SLC1A2: variants seen among roughly 807,000 people sequenced by gnomAD.
The protein encoded by SLC1A2 is solute carrier family 1 member 2.
SLC1A2 carries 15 observed loss-of-function variants against 48.8 expected under a neutral mutation model. The observed-to-expected ratio is 0.31, with a 90% CI of 0.21 to 0.47. The LOEUF (loss-of-function observed/expected upper bound fraction) is 0.47. Ranked by LOEUF, SLC1A2 falls within the 20% of genes least tolerant of loss-of-function variation. SLC1A2 has a pLI of 0.99. For synonymous variants in SLC1A2, 279 were observed against 272.6 expected (o/e 1.02, Z -0.23); for missense variants, 502 against 730.5 (o/e 0.69, Z 3.61).
intron 1 of SLC1A2, among the ~76,000 whole-genome samples, chr11:35,353,756 A>G (rs1853351649): frequency 6.6e-6 from 1 of 152,182 alleles, no homozygotes; most frequent in African/African-American, 2.4e-5. Context: ...GTTGATATTT[A>G]ATTAATTGCA....
chr11:35,271,986 A>G (rs890972483), intron 9 of SLC1A2, among the ~76,000 whole-genome samples: 16 of 152,238 alleles, frequency 1.1e-4, no homozygotes, highest in African/African-American at 3.1e-4. Flanking sequence ...GACATTATGT[A>G]TAATCAGCTT....
Position 35,348,003 on chromosome 11 carries a change from C to T in SLC1A2, c.18-30487G>A, listed in dbSNP as rs1037601382. On this transcript the variant is annotated intron_variant, in intron 1 of 10. Coordinates refer to ENST00000278379, the MANE Select transcript of SLC1A2 (RefSeq NM_004171.4). The stretch of plus-strand genomic sequence containing the variant: ...CTCTGAAGCTAGCTTCCCATTTTGG[C>T]CTTGCCTGAGGCCAAGCTCCATGTG... Among the ~76,000 whole-genome samples the T allele has an allele frequency of 1.1e-4, 16 of 152,210 alleles. 1 individual carries two copies. Among genetic ancestry groups the T allele is most frequent in the Non-Finnish European group, 1.5e-4 (10 of 68,030 alleles).
chr11:35,292,628 A>G (rs933268840), intron 6 of SLC1A2, 108 bp from the exon 7 acceptor site: 2 of 632,494 alleles, frequency 3.2e-6, no homozygotes, highest in South Asian at 2.2e-5. Flanking sequence ...CTTCTGTACA[A>G]AAAAAGACTT....
At chr11:35,327,507 G>A (rs1004386096) in intron 1 of SLC1A2, among the ~76,000 whole-genome samples, 2 of 152,142 alleles carry the variant, frequency 1.3e-5, no homozygotes, top group Admixed American at 1.3e-4. Flanking sequence ...GAAGTTTGTG[G>A]CCTTCATCTT....
intron 1 of SLC1A2, among the ~76,000 whole-genome samples, chr11:35,377,465 C>G (rs1854279288): frequency 6.6e-6 from 1 of 152,144 alleles, no homozygotes; most frequent in Non-Finnish European, 1.5e-5. Flanking sequence ...TCCATCTGTT[C>G]GTTACCAAAG....
In SLC1A2 at chr11:35,376,434, G is replaced by A. The variant is rs374758806; in HGVS notation, c.17+42516C>T. Among the ~76,000 whole-genome samples the A allele has an allele frequency of 9.8e-4, 149 of 152,236 alleles. 1 individual carries two copies. The South Asian group carries it at 0.028, about 29-fold the overall frequency. ...TCAATGCTCTATGGTTATGTAATAC[G>A]TACGATACCATTAAAGGAAGCTGAG... On this transcript the variant is annotated intron_variant, in intron 1 of 10. Coordinates refer to ENST00000278379, the MANE Select transcript of SLC1A2 (RefSeq NM_004171.4).
intron 2 of SLC1A2, 107 bp from the exon 3 acceptor site, chr11:35,315,282 T>C: frequency 4.0e-6 from 3 of 743,010 alleles, no homozygotes; most frequent in Non-Finnish European, 6.7e-6. Context: ...TTCTGCAGTA[T>C]TAAATGATGA....
intron 1 of SLC1A2, among the ~76,000 whole-genome samples, chr11:35,379,220 A>C (rs1854338985): frequency 1.3e-5 from 2 of 151,952 alleles, no homozygotes. Flanking sequence ...CAAGAGCAAA[A>C]CTCTGTCTCA....
chr11:35,387,738 C>T (rs1408370461), intron 1 of SLC1A2, among the ~76,000 whole-genome samples: 1 of 151,924 alleles, frequency 6.6e-6, no homozygotes, highest in Non-Finnish European at 1.5e-5. Context: ...AGCCATTAAG[C>T]ATCAGGACCT....
chr11:35,408,361 G>A (rs1188934952), intron 1 of SLC1A2, among the ~76,000 whole-genome samples: 6 of 152,192 alleles, frequency 3.9e-5, no homozygotes. Flanking sequence ...ATTCCCATGT[G>A]CTGTGGGAGG....
At chr11:35,302,277 T>C (rs973146910) in intron 5 of SLC1A2, among the ~76,000 whole-genome samples, 2 of 152,234 alleles carry the variant, frequency 1.3e-5, no homozygotes, top group South Asian at 4.1e-4. Flanking sequence ...TTTTTTTAAA[T>C]GTAATCTGTT....
chr11:35,347,374 CT>C (rs1347340681), intron 1 of SLC1A2, among the ~76,000 whole-genome samples: 6 of 152,210 alleles, frequency 3.9e-5, no homozygotes, highest in Non-Finnish European at 5.9e-5. Context: ...CTGCTCCCCA[CT>C]TCCAGTGGCA....
chr11:35,321,779 G>A (rs1852076902), intron 1 of SLC1A2, among the ~76,000 whole-genome samples: 1 of 152,128 alleles, frequency 6.6e-6, no homozygotes, highest in South Asian at 2.1e-4. Context: ...AAGTCCACCG[G>A]ATACACAGTA....
At chr11:35,312,798 T>C (rs1344662794) in intron 3 of SLC1A2, among the ~76,000 whole-genome samples, 6 of 150,408 alleles carry the variant, frequency 4.0e-5, no homozygotes, top group African/African-American at 1.5e-4. Context: ...TTGCATTATT[T>C]TGTATTTTTT....
chr11:35,276,687 C>A (rs116382328), intron 9 of SLC1A2, among the ~76,000 whole-genome samples: 1,682 of 152,194 alleles, frequency 0.011, 33 homozygotes, highest in African/African-American at 0.038. Context: ...CTGCCAAGGA[C>A]CAGGACCTAC....
chr11:35,365,375 G>T (rs1853807220), intron 1 of SLC1A2, among the ~76,000 whole-genome samples: 1 of 152,168 alleles, frequency 6.6e-6, no homozygotes, highest in African/African-American at 2.4e-5. Context: ...TCTGAGGTCA[G>T]CATTTCCAGC....
At chr11:35,345,435 C>A (rs1416273110) in intron 1 of SLC1A2, among the ~76,000 whole-genome samples, 1 of 152,178 alleles carries the variant, frequency 6.6e-6, no homozygotes, top group East Asian at 1.9e-4. Flanking sequence ...ATCCTCTTTG[C>A]AGAGGAAGTG....
Position 35,398,495 on chromosome 11 carries a change from C to G in SLC1A2, c.17+20455G>C, listed in dbSNP as rs535131470. 1.9e-3 allele frequency among the ~76,000 whole-genome samples: 295 copies of G among 152,264 alleles called. 1 individual carries two copies. The highest frequency in any genetic ancestry group is 7.0e-3 in the African/African-American group (292 of 41,540). ...TGGACACAAAGAAGAGAACAACAGA[C>G]ACTGGGGTCTACTTGAGGGTGGAGG... On this transcript the variant is annotated intron_variant, in intron 1 of 10. Transcript: ENST00000278379.
intron 1 of SLC1A2, among the ~76,000 whole-genome samples, chr11:35,339,398 T>C (rs752380421): frequency 6.6e-6 from 1 of 152,192 alleles, no homozygotes; most frequent in Non-Finnish European, 1.5e-5. Flanking sequence ...TCTTATACTC[T>C]GCTTTGAAGG....
Sources: gnomAD v4.1 joint callset for allele counts (sites outside exome capture counted in the v4.1 genomes callset) on GRCh38, gnomAD v4.1.1 for gene constraint, MANE v1.5 for transcripts, NCBI Gene and HGNC (gene_info 2026-07-23, HGNC 2026-07-21) for gene names.